The following SPTAN1 variants were observed in gnomAD, a reference collection of about 807,000 sequenced individuals.
The protein encoded by SPTAN1 is spectrin alpha chain, non-erythrocytic 1.
In SPTAN1, 61 loss-of-function variants were observed where a neutral mutation model predicts 331.3. The observed-to-expected ratio is 0.18, with a 90% confidence interval of 0.15 to 0.23. The LOEUF is 0.23. Ranked by LOEUF, SPTAN1 falls within the 10% of genes least tolerant of loss-of-function variation. The pLI is 1.00. For synonymous variants in SPTAN1, 1,153 were observed against 1,173.9 expected (o/e 0.98, Z 0.36); for missense variants, 2,043 against 3,147.9 (o/e 0.65, Z 8.40).
chr9:128,598,914 G>A, intron 25 of SPTAN1, 49 bp from the exon 26 acceptor site: 1 of 1,544,130 alleles, frequency 6.5e-7, no homozygotes, highest in Non-Finnish European at 9.0e-7. Flanking sequence ...ATTCTTGAGA[G>A]ATGTGTATTT....
At position 128,627,228 on chromosome 9, in the gene SPTAN1, A is replaced by G. The variant is rs1858906044; in HGVS notation, c.6577-158A>G. 16 of 684,162 alleles carry G rather than the reference A, an allele frequency of 2.3e-5. No homozygotes were observed. In the South Asian group the frequency reaches 2.7e-4, roughly 12 times the overall value. The allele number at this position is 684,162 out of a possible 1,614,324, so 42.4% of individuals were successfully genotyped here. ...GGGTGGGAACAGAGAAAGAACTACC[A>G]AGTGCTCTGAGCCGGCCTCATGTCT... On this transcript the variant is annotated intron_variant, in intron 49 of 56. Transcript: ENST00000372739. The surrounding 1 kb of genome is among the most constrained non-coding windows in gnomAD (Gnocchi z 4.9).
At chr9:128,626,345 C>A in intron 48 of SPTAN1, 46 bp from the exon 49 acceptor site, 1 of 1,606,424 alleles carries the variant, frequency 6.2e-7, no homozygotes, top group Non-Finnish European at 8.5e-7. Flanking sequence ...TGCGTCGGCA[C>A]GTCCAGCCCT....
At position 128,617,954 on chromosome 9, in the gene SPTAN1, C is replaced by CCTGCT. The variant is rs540410478; in HGVS notation, c.5479-32_5479-28dup. 13 of 1,614,148 alleles carry CCTGCT rather than the reference C, an allele frequency of 8.1e-6. No individual in the cohort carries two copies. The East Asian group carries it at 1.6e-4, about 19-fold the overall frequency. Reference sequence around the variant, plus strand: ...CGAGACAGAAGCACCAGAAGAGCTACCTGCTGTTAACCTCCTCGTCCTTGC... The same window carrying CCTGCT: ...CGAGACAGAAGCACCAGAAGAGCTACCTGCTCTGCTGTTAACCTCCTCGTCCTTGC... On this transcript the variant is annotated intron_variant, in intron 42 of 56. Coordinates refer to ENST00000372739, the MANE Select transcript of SPTAN1 (RefSeq NM_001130438.3).
intron 18 of SPTAN1, 134 bp downstream of exon 18, chr9:128,584,977 T>TGACCTGACCA: frequency 9.3e-7 from 1 of 1,071,640 alleles, no homozygotes; most frequent in Non-Finnish European, 1.4e-6. Context: ...CCTAACTGTA[T>TGACCTGACCA]GACCTGACCA....
At chr9:128,609,420 A>G (rs1031704418) in intron 36 of SPTAN1, 136 bp downstream of exon 36, 1 of 1,373,238 alleles carries the variant, frequency 7.3e-7, no homozygotes, top group Non-Finnish European at 1.0e-6. Context: ...AAGCCCAGCC[A>G]GTGGGAAAGC....
chr9:128,606,386 A>AAAAAAAC (rs1208456292), intron 31 of SPTAN1, among the ~76,000 whole-genome samples: 3 of 149,514 alleles, frequency 2.0e-5, no homozygotes, highest in Non-Finnish European at 4.4e-5. Context: ...AAAAAAAAAA[A>AAAAAAAC]AAAAAACAAG....
chr9:128,554,945 A>G (rs887787947), intron 1 of SPTAN1, among the ~76,000 whole-genome samples: 2 of 152,330 alleles, frequency 1.3e-5, no homozygotes, highest in South Asian at 2.1e-4. Context: ...CTTTGTGGCA[A>G]TTTCATGAAG....
In SPTAN1 at chr9:128,624,416, A is replaced by G. The variant is rs1858423393; in HGVS notation, c.5921A>G (p.Lys1974Arg). The G allele has an allele frequency of 6.2e-6, 10 of 1,614,060 alleles. No homozygotes were observed. The highest frequency in any genetic ancestry group is 7.6e-6 in the Non-Finnish European group (9 of 1,180,034). ...CTGGAGAAAGCTGCAGCCCAGAGAA[A>G]GGCGAAGCTGGATGAGAACTCGGCC... is the stretch of plus-strand genomic sequence containing the variant. ...SDLEKAAAQR[K>R]AKLDENSAFL... The change falls in exon 46 of 57, where the codon AAG (lysine) becomes AGG (arginine). Residue 1974 changes from lysine to arginine, a missense_variant. By Grantham distance (26) the Lys-to-Arg change is conservative. Transcript: ENST00000372739.
intron 1 of SPTAN1, among the ~76,000 whole-genome samples, chr9:128,555,995 G>A (rs1848595723): frequency 6.6e-6 from 1 of 152,056 alleles, no homozygotes; most frequent in Non-Finnish European, 1.5e-5. Flanking sequence ...GCTAAGGTGG[G>A]TGGATCACTT....
chr9:128,609,528 A>G (rs765594683), intron 36 of SPTAN1, 123 bp from the exon 37 acceptor site: 34 of 985,148 alleles, frequency 3.5e-5, no homozygotes, highest in Non-Finnish European at 4.8e-5. Flanking sequence ...TCCCCCTTCT[A>G]TTACTGTTCC....
rs1347883898 is a variant in SPTAN1, at chr9:128,629,810, T to C, written c.6708-511T>C. On this transcript the variant is annotated intron_variant, in intron 51 of 56. Coordinates refer to ENST00000372739, the MANE Select transcript of SPTAN1 (RefSeq NM_001130438.3). The surrounding 1 kb of genome is among the most constrained non-coding windows in gnomAD (Gnocchi z 4.9). Reference sequence around the variant, plus strand: ...GTGATCTCCCAGCACTCCACTTGTGTCCTTTGTCTGCAGGGTCGTGCTCTC... The same window carrying C: ...GTGATCTCCCAGCACTCCACTTGTGCCCTTTGTCTGCAGGGTCGTGCTCTC... 2 of 272,198 alleles carry C rather than the reference T, an allele frequency of 7.3e-6. No homozygotes were observed. The highest frequency in any genetic ancestry group is 2.2e-5 in the African/African-American group (1 of 45,444). The allele number at this position is 272,198 out of a possible 1,614,324, so 16.9% of individuals were successfully genotyped here.
At chr9:128,598,678 T>C in intron 25 of SPTAN1, 174 bp downstream of exon 25, 2 of 694,894 alleles carry the variant, frequency 2.9e-6, no homozygotes, top group Non-Finnish European at 5.2e-6. Flanking sequence ...TATACCCATA[T>C]CCCTCACTTT....
In SPTAN1 at chr9:128,611,833, G is replaced by C; in HGVS notation, c.4893G>C (p.Glu1631Asp). 6.2e-7 allele frequency: 1 copy of C among 1,614,190 alleles called. No individual in the cohort carries two copies. The highest frequency in any genetic ancestry group is 8.5e-7 in the Non-Finnish European group (1 of 1,180,050). ...AACGTGGAGCCTGTGCCGGCAGTGAGGATGCTGTCAAGGTATGGCCCACCA... is the reference window on the plus strand; with the variant it reads ...AACGTGGAGCCTGTGCCGGCAGTGACGATGCTGTCAAGGTATGGCCCACCA... Reference protein sequence around the residue: ...LIERGACAGSEDAVKARLAAL... With the variant: ...LIERGACAGSDDAVKARLAAL... The change falls in exon 38 of 57, where the codon GAG (glutamate) becomes GAC (aspartate). Residue 1631 changes from glutamate to aspartate, a missense_variant. Glu to Asp is a conservative substitution (Grantham distance 45). Coordinates refer to ENST00000372739, the MANE Select transcript of SPTAN1 (RefSeq NM_001130438.3).
At chr9:128,565,629 C>CCTG (rs887038237) in intron 1 of SPTAN1, among the ~76,000 whole-genome samples, 9 of 152,196 alleles carry the variant, frequency 5.9e-5, no homozygotes, top group African/African-American at 2.2e-4. Context: ...CTTCTGTTTA[C>CCTG]CTGCTAGGTG....
intron 1 of SPTAN1, among the ~76,000 whole-genome samples, chr9:128,554,433 T>C (rs763201456): frequency 6.6e-6 from 1 of 152,230 alleles, no homozygotes; most frequent in Non-Finnish European, 1.5e-5. Context: ...GAGAGCTGTT[T>C]TAAGTATGTC....
Position 128,615,829 on chromosome 9 carries a change from G to T in SPTAN1, c.5346G>T (p.Glu1782Asp). 1 of 1,614,242 alleles carries T rather than the reference G, an allele frequency of 6.2e-7. No homozygotes were observed. Among genetic ancestry groups the T allele is most frequent in the Non-Finnish European group, 8.5e-7 (1 of 1,180,044 alleles). ...TCTTCCGGGACATGGATGACGAGGA[G>T]TCCTGGATCAAGTATGTCTTCTCAG... Reference protein sequence around the residue: ...HQFFRDMDDEESWIKEKKLLV... With the variant: ...HQFFRDMDDEDSWIKEKKLLV... The change falls in exon 41 of 57, where the codon GAG (glutamate) becomes GAT (aspartate). Residue 1782 changes from glutamate to aspartate, a missense_variant. Glu to Asp is a conservative substitution (Grantham distance 45). Coordinates refer to ENST00000372739, the MANE Select transcript of SPTAN1 (RefSeq NM_001130438.3).
intron 30 of SPTAN1, 46 bp downstream of exon 30, chr9:128,605,224 A>G (rs1855671228): frequency 2.5e-6 from 4 of 1,614,154 alleles, no homozygotes; most frequent in African/African-American, 1.3e-5. Flanking sequence ...TTTGCCCCAG[A>G]AAGAGCAGAG....
intron 1 of SPTAN1, among the ~76,000 whole-genome samples, chr9:128,562,432 G>A (rs1041652388): frequency 1.3e-5 from 2 of 152,120 alleles, no homozygotes; most frequent in African/African-American, 4.8e-5. Context: ...GGTAGGGTTG[G>A]GAGTGGGAGA....
Position 128,585,969 on chromosome 9 carries a change from A to C in SPTAN1, c.2778+4A>C, listed in dbSNP as rs1852554058. ...CAAGGACGAAGACTCTGCTGAGGTA[A>C]CCAGGCGTGGGAAGCGTCTCACCTG... On this transcript the variant is annotated splice_donor_region_variant and intron_variant, in intron 19 of 56. Transcript: ENST00000372739. 1 of 1,612,314 alleles carries C rather than the reference A, an allele frequency of 6.2e-7. No homozygotes were observed. Among genetic ancestry groups the C allele is most frequent in the Non-Finnish European group, 8.5e-7 (1 of 1,179,976 alleles).
Sources: gnomAD v4.1 joint callset for allele counts (sites outside exome capture counted in the v4.1 genomes callset) on GRCh38, gnomAD v4.1.1 for gene constraint, Gnocchi (gnomAD v3.1) non-coding constraint, MANE v1.5 for transcripts, NCBI Gene and HGNC (gene_info 2026-07-23, HGNC 2026-07-21) for gene names.